TRAFD1: variants seen among roughly 807,000 people sequenced by gnomAD.
TRAFD1 encodes the protein TRAF-type zinc finger domain containing 1.
TRAFD1 carries 38 observed loss-of-function variants against 65.3 expected under a neutral mutation model. The ratio of observed to expected loss-of-function variants is 0.58; its 90% CI spans 0.45 to 0.76. TRAFD1 has a LOEUF of 0.76. Among genes scored for constraint, TRAFD1 ranks in the 30% least tolerant of loss-of-function variants. TRAFD1 has a pLI of 0.00. For missense variants in TRAFD1, 631 were observed against 712.6 expected (o/e 0.89, Z 1.30); for synonymous variants, 223 against 257.2 (o/e 0.87, Z 1.27).
At chr12:112,149,643 GT>G in intron 8 of TRAFD1, 107 bp from the exon 9 acceptor site, 1 of 1,470,464 alleles carries the variant, frequency 6.8e-7, no homozygotes, top group Non-Finnish European at 9.2e-7. Flanking sequence ...TTCAGAGGTT[GT>G]CAAAGTCCCC....
At chr12:112,129,176 A>G (rs922023554) in intron 1 of TRAFD1, among the ~76,000 whole-genome samples, 13 of 151,286 alleles carry the variant, frequency 8.6e-5, no homozygotes, top group Non-Finnish European at 1.8e-4. Context: ...CTGAACCAGA[A>G]AAAGGGTGGG....
At chr12:112,138,221 C>T (rs1024894336) in intron 4 of TRAFD1, among the ~76,000 whole-genome samples, 5 of 151,862 alleles carry the variant, frequency 3.3e-5, no homozygotes, top group Non-Finnish European at 7.4e-5. Context: ...GCCTAGGCGA[C>T]AAAGTAAGAC....
intron 6 of TRAFD1, 32 bp downstream of exon 6, chr12:112,142,327 C>G: frequency 6.3e-7 from 1 of 1,585,306 alleles, no homozygotes; most frequent in Non-Finnish European, 8.6e-7. Context: ...TAGCCTCTTT[C>G]TCTACAGTTT....
At position 112,152,920 on chromosome 12, in the gene TRAFD1, G is replaced by C; in HGVS notation, c.*129G>C. The C allele has an allele frequency of 9.3e-7, 1 of 1,071,260 alleles. No individual in the cohort carries two copies. The highest frequency in any genetic ancestry group is 1.3e-6 in the Non-Finnish European group (1 of 746,728). 66.4% of individuals were successfully genotyped at this position (1,071,260 alleles called of 1,614,324 possible). On this transcript the variant is annotated 3_prime_UTR_variant, in exon 12 of 12. Transcript: ENST00000412615. The surrounding 1 kb of genome is among the most constrained non-coding windows in gnomAD (Gnocchi z 5.0). ...CAGATTTTAGATTTTTCTAGGTTAT[G>C]GCCATTTTGTGTCTTTTGAGGTTGT...
At chr12:112,138,610 C>T (rs780273451) in intron 4 of TRAFD1, among the ~76,000 whole-genome samples, 12 of 151,884 alleles carry the variant, frequency 7.9e-5, no homozygotes, top group Non-Finnish European at 1.8e-4. Flanking sequence ...GTAATCCCAG[C>T]ACTTCGGGAG....
intron 2 of TRAFD1, among the ~76,000 whole-genome samples, chr12:112,132,181 T>C (rs542811798): frequency 1.3e-5 from 2 of 152,336 alleles, no homozygotes; most frequent in Admixed American, 6.5e-5. Context: ...ACATACATGA[T>C]TTACAATCAC....
chr12:112,151,517 C>G (rs1408401182), intron 9 of TRAFD1, among the ~76,000 whole-genome samples: 1 of 151,702 alleles, frequency 6.6e-6, no homozygotes, highest in Non-Finnish European at 1.5e-5. Context: ...TCTCAGCCTC[C>G]TGAGTAGCTG....
intron 9 of TRAFD1, among the ~76,000 whole-genome samples, chr12:112,150,606 G>A (rs993357201): frequency 6.6e-6 from 1 of 152,006 alleles, no homozygotes; most frequent in African/African-American, 2.4e-5. Context: ...CATCCAGGCT[G>A]GAGTGCAGTG....
chr12:112,143,382 C>T (rs987334222), intron 6 of TRAFD1, among the ~76,000 whole-genome samples: 1 of 151,954 alleles, frequency 6.6e-6, no homozygotes, highest in Admixed American at 6.6e-5. Context: ...CCCAGCCATG[C>T]CCGGCTAATT....
At position 112,148,128 on chromosome 12, in the gene TRAFD1, C is replaced by T. The variant is rs1192148990; in HGVS notation, c.982C>T (p.Pro328Ser). The change falls in exon 8 of 12, where the codon CCC (proline) becomes TCC (serine). Residue 328 changes from proline to serine, a missense_variant. By Grantham distance (74) the Pro-to-Ser change is moderately conservative (BLOSUM62 -1). Coordinates refer to ENST00000412615, the MANE Select transcript of TRAFD1 (RefSeq NM_006700.3). ...LPSLNTGSSSPRGVEEPDVIF... is the reference protein window; with the variant it reads ...LPSLNTGSSSSRGVEEPDVIF... Reference sequence around the variant, plus strand: ...TTCACTCAATACTGGCAGCTCTTCCCCCAGAGGGGTGGAGGAACCTGATGT... The same window carrying T: ...TTCACTCAATACTGGCAGCTCTTCCTCCAGAGGGGTGGAGGAACCTGATGT... The T allele has an allele frequency of 6.2e-7, 1 of 1,614,176 alleles. No individual in the cohort carries two copies.
Position 112,148,063 on chromosome 12 carries a change from T to C in TRAFD1, c.928-11T>C. The C allele has an allele frequency of 1.9e-6, 3 of 1,602,740 alleles. No homozygotes were observed. Among genetic ancestry groups the C allele is most frequent in the Non-Finnish European group, 2.6e-6 (3 of 1,172,202 alleles). On this transcript the variant is annotated splice_polypyrimidine_tract_variant and intron_variant, in intron 7 of 11. Coordinates refer to ENST00000412615, the MANE Select transcript of TRAFD1 (RefSeq NM_006700.3). ...GATTCTTGTTTTTAACCTATATTTT[T>C]TGAATGACAGACAAGCTGTAACCCT...
chr12:112,141,559 A>C, intron 5 of TRAFD1: 1 of 250,280 alleles, frequency 4.0e-6, no homozygotes, highest in South Asian at 7.8e-5. Context: ...TGAGAATCTG[A>C]AATCCAAAAT....
Position 112,145,665 on chromosome 12 carries a change from G to T in TRAFD1, c.927+3G>T, listed in dbSNP as rs765496786. The T allele has an allele frequency of 7.4e-6, 12 of 1,613,996 alleles. No individual in the cohort carries two copies. The highest frequency in any genetic ancestry group is 1.0e-5 in the Non-Finnish European group (12 of 1,179,926). On this transcript the variant is annotated splice_donor_region_variant and intron_variant, in intron 7 of 11. Coordinates refer to ENST00000412615, the MANE Select transcript of TRAFD1 (RefSeq NM_006700.3). The stretch of plus-strand genomic sequence containing the variant: ...AGGAACTGCTGATTGACCATCAGGT[G>T]TGTTATGAATTACTTGAGGACTTTT...
intron 2 of TRAFD1, chr12:112,133,370 A>G (rs2079575660): frequency 6.6e-6 from 1 of 152,234 alleles, no homozygotes; most frequent in Admixed American, 6.5e-5. Context: ...TGACTGTCCA[A>G]AAGCTGGAGT....
At position 112,152,305 on chromosome 12, in the gene TRAFD1, T is replaced by C. The variant is rs867022797; in HGVS notation, c.1620-122T>C. 3 of 1,453,890 alleles carry C rather than the reference T, an allele frequency of 2.1e-6. No homozygotes were observed. Among genetic ancestry groups the C allele is most frequent in the South Asian group, 2.5e-5 (2 of 80,190 alleles). 90.1% of individuals were successfully genotyped at this position (1,453,890 alleles called of 1,614,324 possible). A position where few individuals can be genotyped will look rare whatever the true frequency, so the allele number is the denominator to read the frequency against. On this transcript the variant is annotated intron_variant, in intron 10 of 11. Coordinates refer to ENST00000412615, the MANE Select transcript of TRAFD1 (RefSeq NM_006700.3). This position sits in a 1 kb window ranked among gnomAD's most constrained non-coding sequence, Gnocchi z 5.0. ...GTCACCTGACTCCAAAAAAATTATTTTGTGGCCTATGGGTTTTTTGGGGTT... is the reference window on the plus strand; with the variant it reads ...GTCACCTGACTCCAAAAAAATTATTCTGTGGCCTATGGGTTTTTTGGGGTT...
intron 9 of TRAFD1, among the ~76,000 whole-genome samples, chr12:112,150,085 G>A (rs565488081): frequency 7.2e-5 from 11 of 152,248 alleles, no homozygotes; most frequent in East Asian, 1.9e-4. Flanking sequence ...ATGGCTTTGC[G>A]GACATCCATG....
rs1016138850 is a variant in TRAFD1 at position 112,137,533 on chromosome 12, C to T, written c.237+2467C>T. ...ATCCCAGCACTTTGGGAGGCTGAGG[C>T]GGGCGGATCACGAGGTCAGAAGATT... is the stretch of plus-strand genomic sequence containing the variant. On this transcript the variant is annotated intron_variant, in intron 4 of 11. Transcript: ENST00000412615. This position sits in a 1 kb window ranked among gnomAD's most constrained non-coding sequence, Gnocchi z 4.2. 2.0e-5 allele frequency among the ~76,000 whole-genome samples: 3 copies of T among 152,142 alleles called. No individual in the cohort carries two copies. Among genetic ancestry groups the T allele is most frequent in the South Asian group, 2.1e-4 (1 of 4,824 alleles).
chr12:112,145,951 T>C (rs1335647917), intron 7 of TRAFD1, among the ~76,000 whole-genome samples: 2 of 138,082 alleles, frequency 1.4e-5, no homozygotes, highest in Non-Finnish European at 3.0e-5. Flanking sequence ...TTCTCACTCA[T>C]AGATGGCAAC....
chr12:112,135,828 T>G (rs1038504002), intron 4 of TRAFD1, among the ~76,000 whole-genome samples: 3 of 150,770 alleles, frequency 2.0e-5, no homozygotes, highest in Non-Finnish European at 4.4e-5. Flanking sequence ...GCCAAAGGTT[T>G]TTTTTTTTTT....
Sources: allele counts gnomAD v4.1 joint callset (sites outside exome capture counted in the v4.1 genomes callset), GRCh38; gene constraint gnomAD v4.1.1; non-coding constraint Gnocchi (gnomAD v3.1); transcripts MANE v1.5; gene names NCBI Gene and HGNC (gene_info 2026-07-23, HGNC 2026-07-21).